CDH7: variants seen among roughly 807,000 people sequenced by gnomAD.
The protein encoded by CDH7 is cadherin 7.
In CDH7, 25 loss-of-function variants were observed where a neutral mutation model predicts 71.8. The observed-to-expected ratio is 0.35, with a 90% CI of 0.25 to 0.49. The LOEUF (loss-of-function observed/expected upper bound fraction) is 0.49, where lower values mean the gene tolerates loss of function less well. Among genes scored for constraint, CDH7 ranks in the 20% least tolerant of loss-of-function variants. CDH7 has a pLI of 0.99. For synonymous variants in CDH7, 381 were observed against 363.8 expected, an observed-to-expected ratio of 1.05 and a Z score of -0.54; for missense variants, 862 against 974.6, an observed-to-expected ratio of 0.88 and a Z score of 1.54.
chr18:65,843,848 C>T lies in CDH7; in HGVS notation c.1018C>T (p.Arg340Trp), dbSNP rs760397263. The change falls in exon 7 of 12, where the codon CGG becomes TGG. Residue 340 changes from arginine to tryptophan, a missense_variant. Coordinates refer to ENST00000397968, the MANE Select transcript of CDH7 (RefSeq NM_004361.5). ...TGAAGCCAAAACAAGTTACACGCTA[C>T]GGATAGAAGCTGCAAATAAAGATGC... ...DFEAKTSYTLRIEAANKDADP... is the reference protein window; with the variant it reads ...DFEAKTSYTLWIEAANKDADP... The T allele has an allele frequency of 1.8e-5, 28 of 1,568,930 alleles. No individual in the cohort carries two copies. The highest frequency in any genetic ancestry group is 9.4e-5 in the South Asian group (8 of 85,554).
At chr18:65,829,774 G>T (rs1343238286) in intron 6 of CDH7, among the ~76,000 whole-genome samples, 5 of 116,672 alleles carry the variant, frequency 4.3e-5, no homozygotes, top group African/African-American at 6.4e-5. Context: ...TCAAGGAAGG[G>T]AGTGTGTGTG....
At chr18:65,814,442 A>C (rs537317255) in intron 3 of CDH7, 43 bp from the exon 4 acceptor site, 1 of 1,610,858 alleles carries the variant, frequency 6.2e-7, no homozygotes, top group Non-Finnish European at 8.5e-7. Context: ...GTTTTGTGGT[A>C]TTTGGAAGTT....
chr18:65,815,576 C>G (rs911580893), intron 4 of CDH7, among the ~76,000 whole-genome samples: 1 of 152,088 alleles, frequency 6.6e-6, no homozygotes, highest in East Asian at 1.9e-4. Flanking sequence ...TTGAGAATGA[C>G]CGTTGTAATG....
At chr18:65,760,361 T>C (rs1227157214) in intron 1 of CDH7, among the ~76,000 whole-genome samples, 2 of 152,192 alleles carry the variant, frequency 1.3e-5, no homozygotes, top group African/African-American at 4.8e-5. Flanking sequence ...ATTTATCCGA[T>C]GCAGACACCA....
intron 2 of CDH7, among the ~76,000 whole-genome samples, chr18:65,782,158 CTTTCTTCCTTTCTTTCTT>C (rs1910324589): frequency 1.8e-5 from 2 of 110,530 alleles, no homozygotes; most frequent in Admixed American, 1.0e-4. Context: ...TTCTTTCTTT[CTTTCTTCCTTTCTTTCTT>C]TCTTTCTTTC....
intron 2 of CDH7, among the ~76,000 whole-genome samples, chr18:65,799,536 C>T (rs1182637641): frequency 1.3e-5 from 2 of 152,032 alleles, no homozygotes; most frequent in Non-Finnish European, 2.9e-5. Context: ...ATTAGCCGGG[C>T]ATGGTGGCGG....
intron 11 of CDH7, among the ~76,000 whole-genome samples, chr18:65,867,504 G>A (rs146183279): frequency 1.3e-5 from 2 of 151,832 alleles, no homozygotes; most frequent in African/African-American, 2.4e-5. Flanking sequence ...TAAGACATTC[G>A]ATTATTTATT....
chr18:65,814,630 G>T, intron 4 of CDH7, 26 bp downstream of exon 4: 1 of 1,590,660 alleles, frequency 6.3e-7, no homozygotes, highest in South Asian at 1.1e-5. Context: ...TGACATTCTT[G>T]TAAAGTCATC....
chr18:65,826,616 TA>T (rs11297366), intron 6 of CDH7, among the ~76,000 whole-genome samples: 146,143 of 151,408 alleles, frequency 0.97, 70,728 homozygotes, highest in East Asian at 1. Flanking sequence ...AGAAAAATGT[TA>T]AAAATGTTAA....
At chr18:65,822,282 A>G in intron 5 of CDH7, 34 bp downstream of exon 5, 2 of 1,559,526 alleles carry the variant, frequency 1.3e-6, no homozygotes, top group Non-Finnish European at 1.8e-6. Context: ...CAAGTGCAAT[A>G]ACTTTCCCTG....
Position 65,800,270 on chromosome 18 carries a change from A to G in CDH7, c.211-9434A>G, listed in dbSNP as rs552318659. Reference sequence around the variant, plus strand: ...TATTTTTTGTATTTTTAATAGAGACAGGGTTTCACCATGTTAGCCAGGATG... The same window carrying G: ...TATTTTTTGTATTTTTAATAGAGACGGGGTTTCACCATGTTAGCCAGGATG... On this transcript the variant is annotated intron_variant, in intron 2 of 11. Transcript: ENST00000397968. 1.3e-3 allele frequency among the ~76,000 whole-genome samples: 193 copies of G among 152,066 alleles called. 1 individual carries two copies. Among genetic ancestry groups the G allele is most frequent in the Non-Finnish European group, 2.4e-3 (161 of 67,976 alleles).
At chr18:65,816,071 C>G (rs1248117909) in intron 4 of CDH7, among the ~76,000 whole-genome samples, 1 of 152,124 alleles carries the variant, frequency 6.6e-6, no homozygotes, top group Non-Finnish European at 1.5e-5. Context: ...TAAAGCCATA[C>G]CGGTTGATCA....
intron 6 of CDH7, among the ~76,000 whole-genome samples, chr18:65,833,333 G>A (rs1912419239): frequency 6.6e-6 from 1 of 152,138 alleles, no homozygotes; most frequent in Non-Finnish European, 1.5e-5. Context: ...ATTTCATTTA[G>A]TATTTCATAA....
At chr18:65,788,626 A>G (rs1032782278) in intron 2 of CDH7, among the ~76,000 whole-genome samples, 2 of 152,330 alleles carry the variant, frequency 1.3e-5, no homozygotes, top group South Asian at 2.1e-4. Context: ...AGCCACCTGC[A>G]GCCTTCTGAA....
chr18:65,786,508 A>T (rs529213728), intron 2 of CDH7, among the ~76,000 whole-genome samples: 4 of 152,310 alleles, frequency 2.6e-5, no homozygotes, highest in Admixed American at 2.6e-4. Context: ...TCTGCATAGC[A>T]AACCATAAAT....
chr18:65,858,656 A>T (rs1380991280), intron 8 of CDH7, among the ~76,000 whole-genome samples: 4 of 152,076 alleles, frequency 2.6e-5, no homozygotes, highest in African/African-American at 4.8e-5. Context: ...AATCATGTAT[A>T]TGTATATATT....
At chr18:65,794,199 A>G (rs1910822850) in intron 2 of CDH7, among the ~76,000 whole-genome samples, 1 of 151,932 alleles carries the variant, frequency 6.6e-6, no homozygotes. Flanking sequence ...GTAGTATATA[A>G]GATTATGGTG....
intron 11 of CDH7, among the ~76,000 whole-genome samples, chr18:65,873,090 T>C (rs1913974927): frequency 6.6e-6 from 1 of 152,112 alleles, no homozygotes; most frequent in African/African-American, 2.4e-5. Context: ...AATTAAAAAA[T>C]AGGAAGTTTT....
At chr18:65,840,385 C>T (rs996447055) in intron 6 of CDH7, among the ~76,000 whole-genome samples, 15 of 146,110 alleles carry the variant, frequency 1.0e-4, no homozygotes, top group Non-Finnish European at 1.9e-4. Flanking sequence ...CCTAGAGATG[C>T]TAAAAGAGAA....
Sources: allele counts gnomAD v4.1 joint callset (sites outside exome capture counted in the v4.1 genomes callset), GRCh38; gene constraint gnomAD v4.1.1; transcripts MANE v1.5; gene names NCBI Gene and HGNC (gene_info 2026-07-23, HGNC 2026-07-21).